Variants in NEDD4L observed in about 807,000 individuals in gnomAD.
The protein encoded by NEDD4L is E3 ubiquitin-protein ligase NEDD4-like.
In NEDD4L, 54 loss-of-function variants were observed where a neutral mutation model predicts 148.9. That is an observed-to-expected ratio of 0.36 (90% CI 0.29 to 0.45). The LOEUF (loss-of-function observed/expected upper bound fraction) is 0.45, where lower values mean the gene tolerates loss of function less well. NEDD4L is among the 20% of genes least tolerant of loss of function. The probability of loss-of-function intolerance (pLI) is 1.00; values close to 1 mark genes in which losing one functional copy is unlikely to be tolerated. For synonymous variants in NEDD4L, 433 were observed against 440.7 expected (o/e 0.98, Z 0.22); for missense variants, 856 against 1,233.8 (o/e 0.69, Z 4.59).
chr18:58,175,208 C>G (rs564573456), intron 2 of NEDD4L, among the ~76,000 whole-genome samples: 1 of 152,246 alleles, frequency 6.6e-6, no homozygotes, highest in South Asian at 2.1e-4. Flanking sequence ...TCTTGGCAAT[C>G]TAGCCACACT....
intron 5 of NEDD4L, among the ~76,000 whole-genome samples, chr18:58,285,827 G>A (rs576931575): frequency 6.6e-6 from 1 of 152,302 alleles, no homozygotes; most frequent in Non-Finnish European, 1.5e-5. Flanking sequence ...GAACTTTATA[G>A]CCAGTTGTTT....
chr18:58,115,786 A>G (rs2085782621), intron 1 of NEDD4L, among the ~76,000 whole-genome samples: 1 of 152,210 alleles, frequency 6.6e-6, no homozygotes, highest in Non-Finnish European at 1.5e-5. Flanking sequence ...AATATTATTA[A>G]TACAGAGTTA....
At chr18:58,368,106 A>G (rs1003448662) in intron 22 of NEDD4L, among the ~76,000 whole-genome samples, 13 of 152,246 alleles carry the variant, frequency 8.5e-5, no homozygotes, top group African/African-American at 3.1e-4. Context: ...AAAACACAGA[A>G]CATTATGTAT....
chr18:58,244,348 A>G (rs1260926612), intron 2 of NEDD4L, among the ~76,000 whole-genome samples: 2 of 152,202 alleles, frequency 1.3e-5, no homozygotes. Context: ...ATGAAGCAAA[A>G]TAAATTCTTC....
chr18:58,079,138 A>C (rs537820961), intron 1 of NEDD4L, among the ~76,000 whole-genome samples: 36 of 152,306 alleles, frequency 2.4e-4, no homozygotes, highest in Non-Finnish European at 4.4e-4. Flanking sequence ...CTGATGAGGC[A>C]ACCTTCTTGG....
intron 18 of NEDD4L, among the ~76,000 whole-genome samples, chr18:58,355,011 C>G (rs1199215407): frequency 6.6e-6 from 1 of 152,190 alleles, no homozygotes; most frequent in Non-Finnish European, 1.5e-5. Context: ...CAGGGGCGCA[C>G]AGGCCAAGCC....
chr18:58,310,426 T>C (rs555576394), intron 5 of NEDD4L, among the ~76,000 whole-genome samples: 1 of 152,374 alleles, frequency 6.6e-6, no homozygotes, highest in Non-Finnish European at 1.5e-5. Flanking sequence ...CTGGTGCATA[T>C]GAAGTGAATT....
At chr18:58,178,655 A>G (rs1405043154) in intron 2 of NEDD4L, among the ~76,000 whole-genome samples, 1 of 152,258 alleles carries the variant, frequency 6.6e-6, no homozygotes, top group Admixed American at 6.5e-5. Flanking sequence ...TGGCATTCCT[A>G]CTGTATAATA....
intron 19 of NEDD4L, 139 bp downstream of exon 19, chr18:58,357,391 C>CGAGAT: frequency 1.2e-6 from 1 of 819,202 alleles, no homozygotes; most frequent in African/African-American, 1.7e-5. Flanking sequence ...ACTTTGCTGC[C>CGAGAT]ATCTCCTTAC....
chr18:58,301,208 A>G (rs904607548), intron 5 of NEDD4L, among the ~76,000 whole-genome samples: 3 of 152,216 alleles, frequency 2.0e-5, no homozygotes, highest in Non-Finnish European at 4.4e-5. Context: ...GTGTCTGAAT[A>G]TATCAGTTTA....
chr18:58,339,597 GA>G (rs1472192489), intron 13 of NEDD4L, among the ~76,000 whole-genome samples: 1 of 152,060 alleles, frequency 6.6e-6, no homozygotes, highest in Non-Finnish European at 1.5e-5. Flanking sequence ...TTTATCTCGG[GA>G]AATATTAAGG....
intron 30 of NEDD4L, among the ~76,000 whole-genome samples, chr18:58,392,509 C>T (rs1381333912): frequency 1.3e-5 from 2 of 152,046 alleles, no homozygotes; most frequent in Non-Finnish European, 2.9e-5. Flanking sequence ...TCACTTCTGT[C>T]GGATTCCCTT....
At chr18:58,199,479 G>A (rs529224276) in intron 2 of NEDD4L, among the ~76,000 whole-genome samples, 5 of 152,186 alleles carry the variant, frequency 3.3e-5, no homozygotes, top group Non-Finnish European at 4.4e-5. Flanking sequence ...CTGGTTGACC[G>A]TATACGAAAT....
At chr18:58,364,364 G>C (rs776781142) in intron 20 of NEDD4L, 31 bp downstream of exon 20, 14 of 1,422,868 alleles carry the variant, frequency 9.8e-6, no homozygotes, top group Non-Finnish European at 1.2e-5. Flanking sequence ...AAAATGCTTT[G>C]TGTTAGTCAT....
intron 1 of NEDD4L, among the ~76,000 whole-genome samples, chr18:58,084,022 C>T (rs2083614174): frequency 6.6e-6 from 1 of 152,156 alleles, no homozygotes; most frequent in African/African-American, 2.4e-5. Context: ...TGAGCCAGTG[C>T]GCCCGGCCCA....
intron 18 of NEDD4L, among the ~76,000 whole-genome samples, chr18:58,351,786 T>G (rs924072346): frequency 1.3e-5 from 2 of 152,148 alleles, no homozygotes; most frequent in African/African-American, 4.8e-5. Context: ...CAACCATGAG[T>G]GCAATTTGGT....
At chr18:58,279,685 A>C (rs3902163) in intron 5 of NEDD4L, among the ~76,000 whole-genome samples, 65,444 of 151,996 alleles carry the variant, frequency 0.43, 14,505 homozygotes, top group African/African-American at 0.53. Flanking sequence ...GCATTGATCA[A>C]CTTTTTGTTG....
At chr18:58,293,630 T>C (rs758791194) in intron 5 of NEDD4L, among the ~76,000 whole-genome samples, 7 of 152,224 alleles carry the variant, frequency 4.6e-5, no homozygotes, top group Non-Finnish European at 7.3e-5. Flanking sequence ...CATAACCTAG[T>C]CTTTGCAAAA....
At chr18:58,132,366 A>G (rs572680473) in intron 1 of NEDD4L, among the ~76,000 whole-genome samples, 37 of 152,362 alleles carry the variant, frequency 2.4e-4, no homozygotes, top group African/African-American at 8.4e-4. Flanking sequence ...GGGCTGCTGT[A>G]TTTAAATAAC....
Sources: allele counts gnomAD v4.1 joint callset (sites outside exome capture counted in the v4.1 genomes callset), GRCh38; gene constraint gnomAD v4.1.1; transcripts MANE v1.5; gene names NCBI Gene and HGNC (gene_info 2026-07-23, HGNC 2026-07-21).